The following ITGA9 variants were observed in gnomAD, a reference collection of about 807,000 sequenced individuals.
The protein encoded by ITGA9 is integrin alpha-9.
In ITGA9, 56 loss-of-function variants were observed where a neutral mutation model predicts 127.8. The ratio of observed to expected loss-of-function variants is 0.44; its 90% CI spans 0.35 to 0.55. ITGA9 has a LOEUF of 0.55. ITGA9 is among the 20% of genes least tolerant of loss of function. The probability of loss-of-function intolerance (pLI) is 0.00; values close to 1 mark genes in which losing one functional copy is unlikely to be tolerated. For missense variants in ITGA9, 1,196 were observed against 1,347.1 expected (o/e 0.89, Z 1.76); for synonymous variants, 508 against 514.5 (o/e 0.99, Z 0.17).
intron 15 of ITGA9, among the ~76,000 whole-genome samples, chr3:37,605,897 G>A (rs1559547557): frequency 6.6e-6 from 1 of 151,840 alleles, no homozygotes; most frequent in African/African-American, 2.4e-5. Flanking sequence ...TTTTTTTAAA[G>A]CTTCATGTCT....
Position 37,629,327 on chromosome 3 carries a change from A to G in ITGA9, c.1830A>G (p.Gln610=). 6.2e-7 allele frequency: 1 copy of G among 1,614,146 alleles called. No homozygotes were observed. The highest frequency in any genetic ancestry group is 8.5e-7 in the Non-Finnish European group (1 of 1,180,014). ...GGAAAAAGGGACAAAAGATTGCCCA[A>G]AAGAATCAGGTCAGAACCTTAAAGC... The part of the protein sequence containing the change: ...LRWKKGQKIA[Q]KNQTVFERNC... The change falls in exon 16 of 28, where the codon CAA becomes CAG. Residue 610 remains glutamine, a synonymous_variant. Coordinates refer to ENST00000264741, the MANE Select transcript of ITGA9 (RefSeq NM_002207.3). This position sits in a 1 kb window ranked among gnomAD's most constrained non-coding sequence, Gnocchi z 4.5.
chr3:37,604,247 T>C lies in ITGA9; in HGVS notation c.1690-24940T>C, dbSNP rs562189860. Among the ~76,000 whole-genome samples, 3 of 152,312 alleles carry C rather than the reference T, an allele frequency of 2.0e-5. No homozygotes were observed. The East Asian group carries it at 5.8e-4, about 29-fold the overall frequency. ...GAGTGGGGAGAAACTGACAGTGAAG[T>C]GTAGACATGAGGCTTAGAGAGATGC... is the stretch of plus-strand genomic sequence containing the variant. On this transcript the variant is annotated intron_variant, in intron 15 of 27. Transcript: ENST00000264741.
chr3:37,602,475 G>T (rs755777319), intron 15 of ITGA9, among the ~76,000 whole-genome samples: 1 of 152,080 alleles, frequency 6.6e-6, no homozygotes, highest in Non-Finnish European at 1.5e-5. Context: ...TCTAGGGACT[G>T]AAGTAAATTT....
At chr3:37,525,365 A>G (rs1035731631) in intron 12 of ITGA9, among the ~76,000 whole-genome samples, 1 of 152,222 alleles carries the variant, frequency 6.6e-6, no homozygotes, top group Non-Finnish European at 1.5e-5. Flanking sequence ...TGACTAATAA[A>G]TATTTTCTGA....
intron 17 of ITGA9, among the ~76,000 whole-genome samples, chr3:37,655,524 C>T (rs1401479200): frequency 6.6e-6 from 1 of 152,112 alleles, no homozygotes; most frequent in African/African-American, 2.4e-5. Context: ...ATATCTTTCG[C>T]CTACTTTTTG....
At chr3:37,748,801 A>G (rs532679772) in intron 22 of ITGA9, 12 of 780,886 alleles carry the variant, frequency 1.5e-5, no homozygotes, top group South Asian at 7.3e-5. Context: ...CCTGGGTCCA[A>G]CTGAAGCACC....
At chr3:37,757,410 C>T (rs1696666245) in intron 23 of ITGA9, among the ~76,000 whole-genome samples, 1 of 151,798 alleles carries the variant, frequency 6.6e-6, no homozygotes, top group African/African-American at 2.4e-5. Context: ...TGCCTGTAAT[C>T]CCAGGACTTT....
At chr3:37,790,134 TATC>T in intron 26 of ITGA9, 1 of 561,728 alleles carries the variant, frequency 1.8e-6, no homozygotes, top group South Asian at 1.4e-5. Flanking sequence ...TCTTAATATT[TATC>T]ATATCAAAGT....
At position 37,573,671 on chromosome 3, in the gene ITGA9, G is replaced by A. The variant is rs1206251935; in HGVS notation, c.1689+31086G>A. Among the ~76,000 whole-genome samples the A allele has an allele frequency of 2.0e-5, 3 of 152,156 alleles. No homozygotes were observed. In the South Asian group the frequency reaches 6.2e-4, roughly 32 times the overall value. On this transcript the variant is annotated intron_variant, in intron 15 of 27. Transcript: ENST00000264741. ...GATTCCTAGTGAGATTTCCGAGAGA[G>A]TGCGGTTGTCTGGCACTTCTGTGAT...
intron 8 of ITGA9, among the ~76,000 whole-genome samples, chr3:37,510,295 C>T (rs528596418): frequency 6.6e-6 from 1 of 152,242 alleles, no homozygotes; most frequent in South Asian, 2.1e-4. Context: ...TGAGCCACCG[C>T]ACCTGGCCAA....
chr3:37,702,127 G>T lies in ITGA9; in HGVS notation c.2067+18112G>T, dbSNP rs527362061. Among the ~76,000 whole-genome samples, 5 of 152,314 alleles carry T rather than the reference G, an allele frequency of 3.3e-5. No homozygotes were observed. The South Asian group carries it at 8.3e-4, about 25-fold the overall frequency. On this transcript the variant is annotated intron_variant, in intron 18 of 27. Transcript: ENST00000264741. Reference sequence around the variant, plus strand: ...GAGCCACTTAGAAGGGCTTAGGGTGGTGAGGGTACAGGTCTACCTGTGAAG... The same window carrying T: ...GAGCCACTTAGAAGGGCTTAGGGTGTTGAGGGTACAGGTCTACCTGTGAAG...
chr3:37,614,095 T>C (rs1334348508), intron 15 of ITGA9, among the ~76,000 whole-genome samples: 1 of 152,182 alleles, frequency 6.6e-6, no homozygotes, highest in African/African-American at 2.4e-5. Flanking sequence ...TTTATGGTTT[T>C]AGGTCTAACA....
intron 16 of ITGA9, among the ~76,000 whole-genome samples, chr3:37,647,245 C>G (rs1700385953): frequency 6.6e-6 from 1 of 152,084 alleles, no homozygotes; most frequent in African/African-American, 2.4e-5. Flanking sequence ...TAGGGAAGGC[C>G]ATTAGGTTGG....
intron 16 of ITGA9, among the ~76,000 whole-genome samples, chr3:37,645,259 A>G (rs1221661563): frequency 6.6e-6 from 1 of 152,146 alleles, no homozygotes; most frequent in Non-Finnish European, 1.5e-5. Context: ...CTGCTAAGTC[A>G]TACCGCATAT....
Position 37,686,241 on chromosome 3 carries a change from G to C in ITGA9, c.2067+2226G>C, listed in dbSNP as rs77593889. On this transcript the variant is annotated intron_variant, in intron 18 of 27. Coordinates refer to ENST00000264741, the MANE Select transcript of ITGA9 (RefSeq NM_002207.3). ...TTGGAGGAGCACTCTCAGGAGAAGA[G>C]GGGCGAGGGAGCAGGGAGGGGCAGG... is the stretch of plus-strand genomic sequence containing the variant. Among the ~76,000 whole-genome samples the C allele has an allele frequency of 1.9e-3, 288 of 152,312 alleles. 2 individuals carry two copies. The highest frequency in any genetic ancestry group is 6.7e-3 in the African/African-American group (279 of 41,548).
chr3:37,650,332 A>G (rs144667308), intron 16 of ITGA9, among the ~76,000 whole-genome samples: 1 of 152,166 alleles, frequency 6.6e-6, no homozygotes, highest in Admixed American at 6.5e-5. Flanking sequence ...GAGTGCCATC[A>G]TCGAGATATT....
chr3:37,736,285 C>T (rs939975174), intron 19 of ITGA9, among the ~76,000 whole-genome samples: 10 of 152,130 alleles, frequency 6.6e-5, no homozygotes, highest in African/African-American at 2.2e-4. Context: ...GTCTTCCAAT[C>T]CTAGCCACAC....
intron 8 of ITGA9, among the ~76,000 whole-genome samples, chr3:37,512,111 TCCTTC>T (rs1289284208): frequency 5.1e-5 from 6 of 117,826 alleles, no homozygotes; most frequent in African/African-American, 1.4e-4. Flanking sequence ...CTTCCTTCCT[TCCTTC>T]CTTCTTTCTT....
chr3:37,492,700 G>T (rs1226315878), intron 4 of ITGA9, among the ~76,000 whole-genome samples: 1 of 152,176 alleles, frequency 6.6e-6, no homozygotes, highest in African/African-American at 2.4e-5. Context: ...TTGCACTATA[G>T]TTTCATTCAG....
Sources: allele counts gnomAD v4.1 joint callset (sites outside exome capture counted in the v4.1 genomes callset), GRCh38; gene constraint gnomAD v4.1.1; non-coding constraint Gnocchi (gnomAD v3.1); transcripts MANE v1.5; gene names NCBI Gene and HGNC (gene_info 2026-07-23, HGNC 2026-07-21).